Variants in CLVS1 observed in about 807,000 individuals in gnomAD.
The protein encoded by CLVS1 is clavesin-1.
CLVS1 carries 10 observed loss-of-function variants against 33.1 expected under a neutral mutation model. The ratio of observed to expected loss-of-function variants is 0.30; its 90% confidence interval spans 0.19 to 0.51. CLVS1 has a LOEUF of 0.51. Ranked by LOEUF, CLVS1 falls within the 20% of genes least tolerant of loss-of-function variation. The pLI, the probability that CLVS1 is intolerant of heterozygous loss-of-function variation, is 0.97. For missense variants in CLVS1, 343 were observed against 433.4 expected, an observed-to-expected ratio of 0.79 and a Z score of 1.85; for synonymous variants, 163 against 166.1, an observed-to-expected ratio of 0.98 and a Z score of 0.14.
chr8:61,434,943 G>A (rs559013949), intron 3 of CLVS1, among the ~76,000 whole-genome samples: 1 of 152,284 alleles, frequency 6.6e-6, no homozygotes, highest in South Asian at 2.1e-4. Context: ...GATATGGCAA[G>A]GAAATATATT....
chr8:61,167,529 C>T (rs996683842), intron 2 of CLVS1, among the ~76,000 whole-genome samples: 2 of 152,116 alleles, frequency 1.3e-5, no homozygotes, highest in Non-Finnish European at 2.9e-5. Context: ...TCTACCTTCT[C>T]TATTTAGTGT....
chr8:61,232,023 G>GTTTTTTTTT (rs1158042227), intron 2 of CLVS1, among the ~76,000 whole-genome samples: 1 of 62,658 alleles, frequency 1.6e-5, no homozygotes, highest in African/African-American at 4.7e-5. Flanking sequence ...GAAAGTTGTG[G>GTTTTTTTTT]TTTTTTTTTT....
intron 2 of CLVS1, among the ~76,000 whole-genome samples, chr8:61,247,884 C>T (rs1319190528): frequency 2.6e-5 from 4 of 152,056 alleles, no homozygotes; most frequent in Non-Finnish European, 5.9e-5. Context: ...ATGGGAGTGC[C>T]TAGGTTGCCT....
chr8:61,314,192 C>T (rs1393103065), intron 2 of CLVS1, among the ~76,000 whole-genome samples: 4 of 152,134 alleles, frequency 2.6e-5, no homozygotes, highest in African/African-American at 7.2e-5. Flanking sequence ...CTCAGTGTCC[C>T]CTTTCCCTGA....
At chr8:61,153,571 A>G (rs185061432) in intron 2 of CLVS1, among the ~76,000 whole-genome samples, 12 of 152,294 alleles carry the variant, frequency 7.9e-5, no homozygotes, top group Admixed American at 5.2e-4. Flanking sequence ...AAATCCTCCA[A>G]TAAGAATAAA....
At chr8:61,166,841 T>A (rs1806875880) in intron 2 of CLVS1, among the ~76,000 whole-genome samples, 1 of 151,282 alleles carries the variant, frequency 6.6e-6, no homozygotes, top group Non-Finnish European at 1.5e-5. Context: ...TGGTCAAAAG[T>A]CGCCTAATTA....
chr8:61,007,231 C>T, the CLVS1 span, among the ~76,000 whole-genome samples: 4 of 152,050 alleles, frequency 2.6e-5, no homozygotes, highest in African/African-American at 7.2e-5. Flanking sequence ...GATATGAGAT[C>T]GGACAAAGGA....
chr8:61,309,260 A>G (rs908589896), intron 2 of CLVS1, among the ~76,000 whole-genome samples: 5 of 152,196 alleles, frequency 3.3e-5, no homozygotes, highest in African/African-American at 9.6e-5. Flanking sequence ...GTGCTGACCA[A>G]TTGACGAGGC....
intron 2 of CLVS1, among the ~76,000 whole-genome samples, chr8:61,360,715 T>C (rs1270579084): frequency 6.6e-6 from 1 of 152,204 alleles, no homozygotes; most frequent in Non-Finnish European, 1.5e-5. Context: ...TAAGAAAGAA[T>C]ATGTGAGATG....
At chr8:61,336,618 G>A (rs1284501273) in intron 2 of CLVS1, among the ~76,000 whole-genome samples, 3 of 152,140 alleles carry the variant, frequency 2.0e-5, no homozygotes, top group African/African-American at 7.2e-5. Context: ...GGAGGAAAGA[G>A]GCCAAAGCAG....
chr8:61,251,880 A>T (rs1474057989), intron 2 of CLVS1, among the ~76,000 whole-genome samples: 1 of 151,794 alleles, frequency 6.6e-6, no homozygotes, highest in Non-Finnish European at 1.5e-5. Context: ...GAATTCATTG[A>T]TTTTTTGAAG....
chr8:61,400,534 TG>T (rs531870845), intron 3 of CLVS1, among the ~76,000 whole-genome samples: 56 of 152,344 alleles, frequency 3.7e-4, no homozygotes, highest in African/African-American at 1.3e-3. Context: ...TTCTTTCTCT[TG>T]CCTGATTGCC....
chr8:61,264,125 T>C (rs1585732633), intron 2 of CLVS1, among the ~76,000 whole-genome samples: 1 of 152,098 alleles, frequency 6.6e-6, no homozygotes, highest in Non-Finnish European at 1.5e-5. Context: ...GAACCTATAA[T>C]AGAGGCTCAA....
At chr8:61,148,665 A>G (rs1436939573) in intron 2 of CLVS1, among the ~76,000 whole-genome samples, 1 of 152,230 alleles carries the variant, frequency 6.6e-6, no homozygotes. Flanking sequence ...GTCCAGAGCA[A>G]GGGAGCTCTC....
intron 1 of CLVS1, among the ~76,000 whole-genome samples, chr8:61,116,168 T>A (rs1429871394): frequency 1.3e-5 from 2 of 152,072 alleles, no homozygotes; most frequent in African/African-American, 4.8e-5. Context: ...TGCATAAATG[T>A]CTTCTTTTGA....
At chr8:61,178,077 C>T (rs192162327) in intron 2 of CLVS1, among the ~76,000 whole-genome samples, 59 of 152,132 alleles carry the variant, frequency 3.9e-4, no homozygotes, top group African/African-American at 1.2e-3. Flanking sequence ...TCTAACTCAA[C>T]GCAAAGAAGC....
At chr8:61,231,845 G>T (rs1302262427) in intron 2 of CLVS1, among the ~76,000 whole-genome samples, 2 of 152,014 alleles carry the variant, frequency 1.3e-5, no homozygotes, top group Admixed American at 6.6e-5. Flanking sequence ...AAGGAAGTTG[G>T]GATCACTTTC....
At position 61,443,707 on chromosome 8, in the gene CLVS1, T is replaced by C. The variant is rs73685038; in HGVS notation, c.631-10434T>C. On this transcript the variant is annotated intron_variant, in intron 3 of 5. Transcript: ENST00000325897. ...TCCACTTTATTCTTTTTCAAAATTA[T>C]TTTAACTATTCCAGGGCCTATGTTT... is the stretch of plus-strand genomic sequence containing the variant. Among the ~76,000 whole-genome samples the C allele has an allele frequency of 7.6e-3, 1,156 of 152,312 alleles. 18 individuals are homozygous for C. Among genetic ancestry groups the C allele is most frequent in the African/African-American group, 0.027 (1,111 of 41,576 alleles).
chr8:61,171,043 T>A (rs1362959397), intron 2 of CLVS1, among the ~76,000 whole-genome samples: 1 of 152,224 alleles, frequency 6.6e-6, no homozygotes, highest in East Asian at 1.9e-4. Context: ...TCTTTTTCTT[T>A]TTTTCACAAG....
Sources: gnomAD v4.1 joint callset for allele counts (sites outside exome capture counted in the v4.1 genomes callset) on GRCh38, gnomAD v4.1.1 for gene constraint, MANE v1.5 for transcripts, NCBI Gene and HGNC (gene_info 2026-07-23, HGNC 2026-07-21) for gene names.